Variants in IL17RD observed in about 807,000 individuals in gnomAD.
IL17RD encodes the protein interleukin 17 receptor D.
In IL17RD, 52 loss-of-function variants were observed where a neutral mutation model predicts 80.5. The observed-to-expected ratio is 0.65, with a 90% CI of 0.52 to 0.81. The LOEUF is 0.81. IL17RD is among the 40% of genes least tolerant of loss of function. IL17RD has a pLI of 0.00. For synonymous variants in IL17RD, 416 were observed against 391.8 expected, an observed-to-expected ratio of 1.06 and a Z score of -0.73; for missense variants, 1,024 against 955.1, an observed-to-expected ratio of 1.07 and a Z score of -0.95.
At chr3:57,138,948 A>G (rs529203156) in intron 1 of IL17RD, among the ~76,000 whole-genome samples, 1 of 151,354 alleles carries the variant, frequency 6.6e-6, no homozygotes, top group Non-Finnish European at 1.5e-5. Flanking sequence ...TCAAAAAAAA[A>G]AAAAAAAAAA....
chr3:57,125,858 T>G (rs1276653073), intron 1 of IL17RD, among the ~76,000 whole-genome samples: 1 of 152,232 alleles, frequency 6.6e-6, no homozygotes. Flanking sequence ...TCAAAACCCC[T>G]GCCTACAGTC....
chr3:57,099,295 C>G (rs1706772902), intron 11 of IL17RD, among the ~76,000 whole-genome samples: 2 of 152,342 alleles, frequency 1.3e-5, no homozygotes, highest in Admixed American at 1.3e-4. Context: ...ATTGACAAAG[C>G]TTTACCCCCA....
chr3:57,154,689 G>A (rs1282328718), intron 1 of IL17RD, among the ~76,000 whole-genome samples: 1 of 152,152 alleles, frequency 6.6e-6, no homozygotes, highest in East Asian at 1.9e-4. Flanking sequence ...CCTTGGGCAT[G>A]CCAGCACTGG....
In IL17RD at chr3:57,134,233, C is replaced by T. The variant is rs1212301465; in HGVS notation, c.127-13920G>A. ...GACCCCAATAAGACCAATGAAATCG[C>T]CAATGCCAACTTCCATCAGCAGATC... On this transcript the variant is annotated intron_variant, in intron 1 of 12. Coordinates refer to ENST00000296318, the MANE Select transcript of IL17RD (RefSeq NM_017563.5). 15 of 692,812 alleles carry T rather than the reference C, an allele frequency of 2.2e-5. No homozygotes were observed. In the Admixed American group the frequency reaches 2.7e-4, roughly 12 times the overall value. 42.9% of individuals were successfully genotyped at this position (692,812 alleles called of 1,614,324 possible).
At chr3:57,132,047 A>T (rs1041549713) in intron 1 of IL17RD, among the ~76,000 whole-genome samples, 5 of 152,006 alleles carry the variant, frequency 3.3e-5, no homozygotes, top group Non-Finnish European at 5.9e-5. Context: ...TTAGCCAGAC[A>T]TGGTGGTACA....
At chr3:57,132,617 T>G (rs896394952) in intron 1 of IL17RD, among the ~76,000 whole-genome samples, 1 of 152,234 alleles carries the variant, frequency 6.6e-6, no homozygotes, top group African/African-American at 2.4e-5. Context: ...CTAAACACTT[T>G]GTCCAAGATG....
chr3:57,145,925 A>G (rs1206817506), intron 1 of IL17RD, among the ~76,000 whole-genome samples: 1 of 151,952 alleles, frequency 6.6e-6, no homozygotes. Flanking sequence ...CAAGATCGGG[A>G]TTTTTTTTAA....
chr3:57,127,267 T>A (rs1707490193), intron 1 of IL17RD, among the ~76,000 whole-genome samples: 1 of 95,048 alleles, frequency 1.1e-5, no homozygotes, highest in African/African-American at 5.9e-5. Context: ...TATATAAATA[T>A]ATATAAAAAT....
chr3:57,140,800 A>G (rs1355396243), intron 1 of IL17RD, among the ~76,000 whole-genome samples: 2 of 152,194 alleles, frequency 1.3e-5, no homozygotes, highest in Non-Finnish European at 2.9e-5. Flanking sequence ...AGGGAAAGTA[A>G]TATTCTAGGA....
At chr3:57,157,648 G>C (rs934962435) in intron 1 of IL17RD, among the ~76,000 whole-genome samples, 1 of 152,210 alleles carries the variant, frequency 6.6e-6, no homozygotes, top group African/African-American at 2.4e-5. Context: ...CTCAGGCGGC[G>C]GACTGCTGCT....
intron 5 of IL17RD, among the ~76,000 whole-genome samples, chr3:57,107,295 C>T (rs527713238): frequency 5.9e-5 from 9 of 151,674 alleles, no homozygotes; most frequent in East Asian, 3.9e-4. Context: ...AGGAGAATGG[C>T]GTGAACCCCG....
chr3:57,113,912 G>A (rs1364018201), intron 3 of IL17RD, among the ~76,000 whole-genome samples: 5 of 151,916 alleles, frequency 3.3e-5, no homozygotes, highest in East Asian at 1.9e-4. Context: ...AAAGCTGGGC[G>A]CAGTGGCTCA....
intron 7 of IL17RD, among the ~76,000 whole-genome samples, chr3:57,105,550 AAAATAT>A (rs1319359329): frequency 6.6e-4 from 53 of 80,414 alleles, no homozygotes; most frequent in African/African-American, 3.7e-3. Flanking sequence ...AAAAAAAAAA[AAAATAT>A]ATATATATAT....
chr3:57,096,627 G>C lies in IL17RD; in HGVS notation c.2108-122C>G, dbSNP rs1024027967. ...TATGGGCTCTGTATAAACGAGGCAA[G>C]AATCCCAACCAACTCAAGATGGGGC... On this transcript the variant is annotated intron_variant, in intron 12 of 12. Coordinates refer to ENST00000296318, the MANE Select transcript of IL17RD (RefSeq NM_017563.5). The C allele has an allele frequency of 4.2e-5, 30 of 714,354 alleles. No homozygotes were observed. The Admixed American group carries it at 6.4e-4, about 15-fold the overall frequency. 44.3% of individuals were successfully genotyped at this position (714,354 alleles called of 1,614,324 possible). A position where few individuals can be genotyped will look rare whatever the true frequency, so the allele number is the denominator to read the frequency against.
intron 1 of IL17RD, among the ~76,000 whole-genome samples, chr3:57,152,552 A>C (rs17235841): frequency 0.16 from 24,601 of 152,180 alleles, 2,460 homozygotes; most frequent in South Asian, 0.28. Context: ...TAAAAGATGG[A>C]GGTTTTGTCT....
At position 57,097,711 on chromosome 3, in the gene IL17RD, G is replaced by A. The variant is rs1163199516; in HGVS notation, c.1992C>T (p.Ile664=). The A allele has an allele frequency of 6.2e-7, 1 of 1,605,468 alleles. No homozygotes were observed. Among genetic ancestry groups the A allele is most frequent in the Non-Finnish European group, 8.5e-7 (1 of 1,175,558 alleles). ...SPSDMPRDSG[I]YDSSVPSSEL... ...CGGATGAGGGCACAGACGAGTCATA[G>A]ATGCCTGAGTCCCGCGGCATGTCCG... Residue 664 remains isoleucine, a synonymous_variant, in exon 12 of 13, where the codon ATC becomes ATT. Coordinates refer to ENST00000296318, the MANE Select transcript of IL17RD (RefSeq NM_017563.5).
rs775991238 is a variant in IL17RD at position 57,097,843 on chromosome 3, G to A, written c.1860C>T (p.His620=). ...LGATGPADSQ[H]ESQHGGLDQD... ...GGTCCAGGCCCCCATGCTGACTCTC[G>A]TGCTGGGAGTCGGCTGGTCCGGTTG... Residue 620 remains histidine, a synonymous_variant, in exon 12 of 13, where the codon CAC becomes CAT. Coordinates refer to ENST00000296318, the MANE Select transcript of IL17RD (RefSeq NM_017563.5). The A allele has an allele frequency of 5.6e-6, 9 of 1,612,742 alleles. 1 individual carries two copies. The South Asian group carries it at 9.9e-5, about 18-fold the overall frequency.
At chr3:57,119,387 G>C (rs1707285457) in intron 2 of IL17RD, among the ~76,000 whole-genome samples, 1 of 151,180 alleles carries the variant, frequency 6.6e-6, no homozygotes, top group South Asian at 2.1e-4. Context: ...AACAAAACTA[G>C]GTGTGGTGGC....
intron 1 of IL17RD, among the ~76,000 whole-genome samples, chr3:57,135,287 G>T (rs1707702347): frequency 6.6e-6 from 1 of 152,118 alleles, no homozygotes; most frequent in South Asian, 2.1e-4. Context: ...TTCAGAGCAA[G>T]GTGGGCAGGA....
Sources: allele counts gnomAD v4.1 joint callset (sites outside exome capture counted in the v4.1 genomes callset), GRCh38; gene constraint gnomAD v4.1.1; transcripts MANE v1.5; gene names NCBI Gene and HGNC (gene_info 2026-07-23, HGNC 2026-07-21).